RBMS2: variants seen among roughly 807,000 people sequenced by gnomAD.
RBMS2 encodes the protein RNA-binding motif, single-stranded-interacting protein 2.
RBMS2 carries 38 observed loss-of-function variants against 58.4 expected under a neutral mutation model. That is an observed-to-expected ratio of 0.65 (90% confidence interval 0.50 to 0.85). The LOEUF (loss-of-function observed/expected upper bound fraction) is 0.85. RBMS2 is among the 40% of genes least tolerant of loss of function. RBMS2 has a pLI of 0.00. For synonymous variants in RBMS2, 151 were observed against 180.7 expected (o/e 0.84, Z 1.32); for missense variants, 367 against 503.7 (o/e 0.73, Z 2.60).
chr12:56,521,431 A>AG (rs1008155186), upstream of RBMS2, among the ~76,000 whole-genome samples: 4 of 150,760 alleles, frequency 2.7e-5, no homozygotes, highest in African/African-American at 9.7e-5. Flanking sequence ...CTGTCTCAAA[A>AG]AAAAAAAAAA....
chr12:56,581,517 A>G lies in RBMS2; in HGVS notation c.732+9A>G. 1 of 1,606,390 alleles carries G rather than the reference A, an allele frequency of 6.2e-7. No individual in the cohort carries two copies. Among genetic ancestry groups the G allele is most frequent in the Non-Finnish European group, 8.5e-7 (1 of 1,173,068 alleles). ...CAAGGAATGCAGACATGGTAAGAGG[A>G]CCTCTGAGGAGACAGGAGTACTAAC... On this transcript the variant is annotated intron_variant, in intron 7 of 13. Transcript: ENST00000262031.
At chr12:56,583,794 A>AT (rs1884301366) in intron 9 of RBMS2, among the ~76,000 whole-genome samples, 1 of 152,174 alleles carries the variant, frequency 6.6e-6, no homozygotes, top group South Asian at 2.1e-4. Context: ...ATTGCTATTC[A>AT]TATGCTTTGT....
chr12:56,572,763 G>A, intron 5 of RBMS2: 1 of 984,806 alleles, frequency 1.0e-6, no homozygotes, highest in Non-Finnish European at 1.2e-6. Flanking sequence ...AGTAGGATGA[G>A]GTAGAAGTTT....
intron 5 of RBMS2, among the ~76,000 whole-genome samples, chr12:56,575,399 T>C (rs1882960405): frequency 6.6e-6 from 1 of 151,924 alleles, no homozygotes; most frequent in South Asian, 2.1e-4. Context: ...ATCACACCAC[T>C]GCACTCTGGC....
chr12:56,533,408 C>CTTTT lies in RBMS2; in HGVS notation c.66+11341_66+11344dup, dbSNP rs1164155079. Among the ~76,000 whole-genome samples, 27 of 65,298 alleles carry CTTTT rather than the reference C, an allele frequency of 4.1e-4. 3 individuals carry two copies. Among genetic ancestry groups the CTTTT allele is most frequent in the African/African-American group, 1.5e-3 (22 of 14,934 alleles). The allele number at this position is 65,298 out of a possible 152,430, so 42.8% of individuals were successfully genotyped here. On this transcript the variant is annotated intron_variant, in intron 1 of 13. Coordinates refer to ENST00000262031, the MANE Select transcript of RBMS2 (RefSeq NM_002898.4). ...TGAGCCGCGGCACCCAGCCCTATTACTTTTTTTTTTTTTTTTTTTTTTTTT... is the reference window on the plus strand; with the variant it reads ...TGAGCCGCGGCACCCAGCCCTATTACTTTTTTTTTTTTTTTTTTTTTTTTTTTTT...
At chr12:56,554,520 A>C (rs1451539219) in intron 1 of RBMS2, among the ~76,000 whole-genome samples, 1 of 152,148 alleles carries the variant, frequency 6.6e-6, no homozygotes, top group Non-Finnish European at 1.5e-5. Context: ...CTTGCTTATA[A>C]ATGGGAGCTG....
At position 56,588,517 on chromosome 12, in the gene RBMS2, T is replaced by C. The variant is rs1884993180; in HGVS notation, c.1143+143T>C. The C allele has an allele frequency of 4.0e-6, 3 of 754,620 alleles. No homozygotes were observed. The East Asian group carries it at 7.9e-5, about 20-fold the overall frequency. 46.7% of individuals were successfully genotyped at this position (754,620 alleles called of 1,614,324 possible). On this transcript the variant is annotated intron_variant, in intron 12 of 13. Coordinates refer to ENST00000262031, the MANE Select transcript of RBMS2 (RefSeq NM_002898.4). ...AGGTATACGAAGAACGTAGGAAGGA[T>C]GTGCTCGCTTCGGCAGCATGCATAC...
intron 5 of RBMS2, 31 bp downstream of exon 5, chr12:56,571,886 G>A: frequency 2.7e-6 from 4 of 1,463,568 alleles, no homozygotes; most frequent in Non-Finnish European, 3.6e-6. Context: ...GAAATGATGA[G>A]GTTAATAACA....
chr12:56,569,183 T>G, intron 3 of RBMS2, 150 bp downstream of exon 3: 1 of 763,956 alleles, frequency 1.3e-6, no homozygotes, highest in South Asian at 1.9e-5. Flanking sequence ...GATATTTAGA[T>G]TCTTTGGTGA....
chr12:56,569,149 G>A, intron 3 of RBMS2, 116 bp downstream of exon 3: 1 of 883,724 alleles, frequency 1.1e-6, no homozygotes. Context: ...AGTCCCTGAA[G>A]TTTTTAGGCT....
At chr12:56,588,850 A>C in intron 12 of RBMS2, 82 bp from the exon 13 acceptor site, 1 of 1,340,542 alleles carries the variant, frequency 7.5e-7, no homozygotes, top group Non-Finnish European at 1.1e-6. Context: ...CACTCGATGT[A>C]GGGTGGGCTT....
In RBMS2 at chr12:56,596,140, ACAC is replaced by A. The variant is rs1206402713; in HGVS notation, c.*7011_*7013del. ...TGTACATTATCAAAAAGTCACTAAA[ACAC>A]CACATTTGGTTATATAAAAAGTCCC... On this transcript the variant is annotated 3_prime_UTR_variant, in exon 14 of 14. Coordinates refer to ENST00000262031, the MANE Select transcript of RBMS2 (RefSeq NM_002898.4). The A allele has an allele frequency of 4.6e-5, 7 of 152,714 alleles. No homozygotes were observed. The highest frequency in any genetic ancestry group is 1.4e-4 in the African/African-American group (6 of 41,478). The allele number at this position is 152,714 out of a possible 1,614,324, so 9.5% of individuals were successfully genotyped here.
At chr12:56,529,631 A>G (rs911897526) in intron 1 of RBMS2, among the ~76,000 whole-genome samples, 1 of 152,156 alleles carries the variant, frequency 6.6e-6, no homozygotes, top group African/African-American at 2.4e-5. Context: ...AGAAAAAAGG[A>G]TGGAATACTG....
intron 2 of RBMS2, among the ~76,000 whole-genome samples, chr12:56,564,930 C>T (rs1054716318): frequency 2.4e-4 from 37 of 152,172 alleles, no homozygotes; most frequent in East Asian, 5.8e-4. Flanking sequence ...GCCGAGATCA[C>T]GCCACCAGAA....
chr12:56,579,869 G>A (rs1293888395), intron 5 of RBMS2, among the ~76,000 whole-genome samples: 1 of 152,098 alleles, frequency 6.6e-6, no homozygotes, highest in Non-Finnish European at 1.5e-5. Flanking sequence ...TAGGGTAGAT[G>A]GATGTTATCT....
Position 56,595,087 on chromosome 12 carries a change from G to A in RBMS2, c.*5954G>A, listed in dbSNP as rs1565795495. On this transcript the variant is annotated 3_prime_UTR_variant, in exon 14 of 14. Transcript: ENST00000262031. ...GTAGGCTGTGCAGTGACGGCTTAGG[G>A]TAATAAGTAATGGTTGGAGGACACC... 1 of 152,252 alleles carries A rather than the reference G, an allele frequency of 6.6e-6. No individual in the cohort carries two copies. Among genetic ancestry groups the A allele is most frequent in the Admixed American group, 6.5e-5 (1 of 15,268 alleles). 9.4% of individuals were successfully genotyped at this position (152,252 alleles called of 1,614,324 possible). A position where few individuals can be genotyped will look rare whatever the true frequency, so the allele number is the denominator to read the frequency against.
At chr12:56,534,507 C>T (rs1305799400) in intron 1 of RBMS2, among the ~76,000 whole-genome samples, 1 of 152,144 alleles carries the variant, frequency 6.6e-6, no homozygotes, top group Non-Finnish European at 1.5e-5. Flanking sequence ...GATTTACATC[C>T]TTTCCATTTT....
intron 4 of RBMS2, among the ~76,000 whole-genome samples, chr12:56,571,066 G>A (rs1882220098): frequency 6.6e-6 from 1 of 152,200 alleles, no homozygotes; most frequent in Admixed American, 6.5e-5. Flanking sequence ...ACAACTATTG[G>A]ATGATATTGC....
intron 1 of RBMS2, among the ~76,000 whole-genome samples, chr12:56,559,330 C>A (rs1011751951): frequency 4.0e-5 from 6 of 150,912 alleles, no homozygotes; most frequent in Non-Finnish European, 7.4e-5. Flanking sequence ...GGACTACAGG[C>A]GCCCGCCACT....
Sources: allele counts gnomAD v4.1 joint callset (sites outside exome capture counted in the v4.1 genomes callset), GRCh38; gene constraint gnomAD v4.1.1; transcripts MANE v1.5; gene names NCBI Gene and HGNC (gene_info 2026-07-23, HGNC 2026-07-21).